The following TMX1 variants were observed in gnomAD, a reference collection of about 807,000 sequenced individuals.
The protein encoded by TMX1 is thioredoxin-related transmembrane protein 1.
In TMX1, 25 loss-of-function variants were observed where a neutral mutation model predicts 36.6. That is an observed-to-expected ratio of 0.68 (90% CI 0.50 to 0.95). TMX1 has a LOEUF of 0.95. Ranked by LOEUF, TMX1 falls within the 40% of genes least tolerant of loss-of-function variation. The pLI, the probability that TMX1 is intolerant of heterozygous loss-of-function variation, is 0.00. For missense variants in TMX1, 347 were observed against 339.6 expected (o/e 1.02, Z -0.17); for synonymous variants, 133 against 118.0 (o/e 1.13, Z -0.82).
chr14:51,245,593 T>C, intron 3 of TMX1: 1 of 1,015,830 alleles, frequency 9.8e-7, no homozygotes. Context: ...AGTGATGTTC[T>C]TGTGAAATGG....
At chr14:51,254,180 G>GT (rs1468144565) in intron 7 of TMX1, among the ~76,000 whole-genome samples, 161 bp from the exon 8 acceptor site, 6 of 151,994 alleles carry the variant, frequency 3.9e-5, no homozygotes, top group Non-Finnish European at 7.4e-5. Flanking sequence ...AATATTCATG[G>GT]TTTTTTTTAT....
intron 1 of TMX1, among the ~76,000 whole-genome samples, chr14:51,243,494 A>G (rs2139851074): frequency 6.6e-6 from 1 of 152,130 alleles, no homozygotes; most frequent in East Asian, 1.9e-4. Flanking sequence ...TGCATTTGTG[A>G]CTCTGCATTA....
chr14:51,252,056 C>T (rs1269971148), intron 7 of TMX1, among the ~76,000 whole-genome samples: 1 of 151,862 alleles, frequency 6.6e-6, no homozygotes, highest in Non-Finnish European at 1.5e-5. Flanking sequence ...TAAGTGTTCT[C>T]AAACAAGATG....
intron 4 of TMX1, 101 bp from the exon 5 acceptor site, chr14:51,249,225 A>G: frequency 1.0e-6 from 1 of 971,628 alleles, no homozygotes; most frequent in Non-Finnish European, 1.5e-6. Flanking sequence ...ATTAACAGCA[A>G]TAAAATCTGT....
rs145050268 is a variant in TMX1, at chr14:51,246,724, T to A, written c.315-368T>A. 2.9e-3 allele frequency among the ~76,000 whole-genome samples: 447 copies of A among 152,362 alleles called. 2 individuals carry two copies. Among genetic ancestry groups the A allele is most frequent in the African/African-American group, 0.01 (416 of 41,586 alleles). ...AAATTTTAAGTTATAGCTTAACAGC[T>A]AATAATTACTATGTGCCAAGCACTA... On this transcript the variant is annotated intron_variant, in intron 3 of 7. Coordinates refer to ENST00000457354, the MANE Select transcript of TMX1 (RefSeq NM_030755.5).
intron 1 of TMX1, among the ~76,000 whole-genome samples, chr14:51,243,589 T>C (rs1017282235): frequency 6.6e-6 from 1 of 152,246 alleles, no homozygotes; most frequent in Non-Finnish European, 1.5e-5. Flanking sequence ...AAAAGTTTTC[T>C]AAAGAGCTGT....
At chr14:51,244,068 T>A in intron 2 of TMX1, 97 bp downstream of exon 2, 1 of 1,040,524 alleles carries the variant, frequency 9.6e-7, no homozygotes, top group Non-Finnish European at 1.3e-6. Context: ...TACCTTTCTT[T>A]AGGTTTTGAA....
intron 3 of TMX1, chr14:51,245,846 G>A (rs775448169): frequency 1.1e-5 from 3 of 263,864 alleles, no homozygotes; most frequent in African/African-American, 6.6e-5. Context: ...AAGTGCTGTT[G>A]TACAGCCTTG....
chr14:51,248,705 A>T (rs2065797814), intron 4 of TMX1, among the ~76,000 whole-genome samples: 1 of 152,230 alleles, frequency 6.6e-6, no homozygotes, highest in South Asian at 2.1e-4. Context: ...TTGGGAACTC[A>T]CAGACCTTTC....
chr14:51,245,330 A>G lies in TMX1; in HGVS notation c.286A>G (p.Ile96Val), dbSNP rs377146836. The G allele has an allele frequency of 3.1e-6, 5 of 1,613,886 alleles. No individual in the cohort carries two copies. In the African/African-American group the frequency reaches 6.7e-5, roughly 22 times the overall value. Residue 96 changes from isoleucine (I) to valine (V), a missense_variant, in exon 3 of 8, where the codon ATC (isoleucine) becomes GTC (valine). Coordinates refer to ENST00000457354, the MANE Select transcript of TMX1 (RefSeq NM_030755.5). ...ATTTGTAGGACTGAGTGGACGGTTT[A>G]TCATAACTGCTCTTCCTACTATTTA... ...TEQPGLSGRFIITALPTIYHC... is the reference protein window; with the variant it reads ...TEQPGLSGRFVITALPTIYHC...
rs1380359965 is a variant in TMX1 at position 51,254,446 on chromosome 14, C to T, written c.770C>T (p.Thr257Ile). 3 of 1,611,558 alleles carry T rather than the reference C, an allele frequency of 1.9e-6. No homozygotes were observed. Among genetic ancestry groups the T allele is most frequent in the Non-Finnish European group, 2.5e-6 (3 of 1,179,040 alleles). The change falls in exon 8 of 8, where the codon ACA (threonine) becomes ATA (isoleucine). Residue 257 changes from threonine to isoleucine, a missense_variant. Physicochemically the swap from Thr to Ile is moderately conservative, Grantham distance 89. Transcript: ENST00000457354. ...GAAGAAGCTGAAAGTAAAGAAGGAACAAACAAAGACTTTCCACAGAATGCC... is the reference window on the plus strand; with the variant it reads ...GAAGAAGCTGAAAGTAAAGAAGGAATAAACAAAGACTTTCCACAGAATGCC... ...SEEEAESKEG[T>I]NKDFPQNAIR...
rs760882482 is a variant in TMX1 at position 51,240,278 on chromosome 14, T to G, written c.-15T>G. ...AGCTGCGACCGCGCTCCCTGTGAGG[T>G]GGGCAAGCGGCGAAATGGCGCCCTC... On this transcript the variant is annotated 5_prime_UTR_variant, in exon 1 of 8. Coordinates refer to ENST00000457354, the MANE Select transcript of TMX1 (RefSeq NM_030755.5). The G allele has an allele frequency of 2.5e-6, 4 of 1,607,098 alleles. No homozygotes were observed. In the Admixed American group the frequency reaches 5.0e-5, roughly 20 times the overall value.
At position 51,240,385 on chromosome 14, in the gene TMX1, T is replaced by C; in HGVS notation, c.93T>C (p.Val31=). 1.2e-6 allele frequency: 2 copies of C among 1,614,024 alleles called. No homozygotes were observed. Among genetic ancestry groups the C allele is most frequent in the Non-Finnish European group, 1.7e-6 (2 of 1,180,010 alleles). ...GGACGCACGGGCGGCGGAGCAACGT[T>C]CGCGTCATCACGGACGAGAACTGGA... The part of the protein sequence containing the change: ...APWTHGRRSN[V]RVITDENWRE... The change falls in exon 1 of 8, where the codon GTT becomes GTC. Residue 31 remains valine, a synonymous_variant. Transcript: ENST00000457354.
At position 51,249,523 on chromosome 14, in the gene TMX1, C is replaced by G; in HGVS notation, c.545C>G (p.Thr182Ser). 1 of 1,613,526 alleles carries G rather than the reference C, an allele frequency of 6.2e-7. No homozygotes were observed. The highest frequency in any genetic ancestry group is 8.5e-7 in the Non-Finnish European group (1 of 1,179,838). ...GGATTGCCAGTGTGGGGATCATATACTGTTTTTGCTTTAGCAACTCTGTTT... is the reference window on the plus strand; with the variant it reads ...GGATTGCCAGTGTGGGGATCATATAGTGTTTTTGCTTTAGCAACTCTGTTT... ...DLGLPVWGSY[T>S]VFALATLFSG... The change falls in exon 6 of 8, where the codon ACT becomes AGT. Residue 182 changes from threonine to serine, a missense_variant. Thr to Ser is a moderately conservative substitution (Grantham distance 58). Coordinates refer to ENST00000457354, the MANE Select transcript of TMX1 (RefSeq NM_030755.5).
At chr14:51,245,740 T>C (rs552937831) in intron 3 of TMX1, 134 of 326,404 alleles carry the variant, frequency 4.1e-4, no homozygotes, top group Non-Finnish European at 6.7e-4. Context: ...ACCTTGGAAG[T>C]AGAATTTTAA....
intron 2 of TMX1, among the ~76,000 whole-genome samples, chr14:51,245,104 A>G (rs1161060367): frequency 6.6e-6 from 1 of 152,190 alleles, no homozygotes; most frequent in South Asian, 2.1e-4. Context: ...AGTTCTACAT[A>G]CTTTTTAACT....
chr14:51,253,800 G>A (rs1484929333), intron 7 of TMX1: 1 of 152,238 alleles, frequency 6.6e-6, no homozygotes, highest in African/African-American at 2.4e-5. Flanking sequence ...AGAAGATATG[G>A]ACAGAAATAC....
At chr14:51,253,462 C>G (rs554991598) in intron 7 of TMX1, among the ~76,000 whole-genome samples, 43 of 152,258 alleles carry the variant, frequency 2.8e-4, no homozygotes, top group African/African-American at 9.6e-4. Flanking sequence ...GTAATTTTTC[C>G]CCATGGTTTA....
chr14:51,252,732 A>G (rs1274609066), intron 7 of TMX1, among the ~76,000 whole-genome samples: 1 of 152,178 alleles, frequency 6.6e-6, no homozygotes, highest in Non-Finnish European at 1.5e-5. Flanking sequence ...TTGAGTTGCT[A>G]GGGTTGCTAA....
Sources: allele counts gnomAD v4.1 joint callset (sites outside exome capture counted in the v4.1 genomes callset), GRCh38; gene constraint gnomAD v4.1.1; transcripts MANE v1.5; gene names NCBI Gene and HGNC (gene_info 2026-07-23, HGNC 2026-07-21).